Variants in GPC6 observed in about 807,000 individuals in gnomAD.
GPC6 encodes glypican 6.
In GPC6, 14 loss-of-function variants were observed where a neutral mutation model predicts 55.2. That is an observed-to-expected ratio of 0.25 (90% CI 0.17 to 0.40). The LOEUF is 0.40. Among genes scored for constraint, GPC6 ranks in the 10% least tolerant of loss-of-function variants. The pLI is 1.00. For missense variants in GPC6, 641 were observed against 708.5 expected (o/e 0.90, Z 1.08); for synonymous variants, 278 against 259.6 (o/e 1.07, Z -0.68).
intron 1 of GPC6, among the ~76,000 whole-genome samples, chr13:93,298,791 C>T (rs4771869): frequency 0.031 from 4,755 of 151,964 alleles, 189 homozygotes; most frequent in East Asian, 0.14. Flanking sequence ...TACTGCCTGA[C>T]GTGGATTTTC....
At chr13:93,750,092 A>G (rs1331231353) in intron 2 of GPC6, among the ~76,000 whole-genome samples, 1 of 152,206 alleles carries the variant, frequency 6.6e-6, no homozygotes, top group Non-Finnish European at 1.5e-5. Context: ...AGAAAACTGT[A>G]TCTGGGAAAT....
intron 6 of GPC6, among the ~76,000 whole-genome samples, chr13:94,359,673 T>G (rs568634762): frequency 6.6e-6 from 1 of 152,202 alleles, no homozygotes; most frequent in South Asian, 2.1e-4. Flanking sequence ...TTTTTTTTTT[T>G]GAAGAGATAA....
intron 4 of GPC6, among the ~76,000 whole-genome samples, chr13:94,062,580 C>T (rs1884370177): frequency 6.6e-6 from 1 of 152,148 alleles, no homozygotes; most frequent in African/African-American, 2.4e-5. Context: ...GTCCTATTTC[C>T]TCTCCGTTTT....
chr13:93,555,263 G>T (rs1445250), intron 2 of GPC6, among the ~76,000 whole-genome samples: 1 of 152,022 alleles, frequency 6.6e-6, no homozygotes, highest in South Asian at 2.1e-4. Flanking sequence ...TCTTGTAATA[G>T]TATTCTTCTA....
chr13:93,719,573 A>G (rs1041117898), intron 2 of GPC6, among the ~76,000 whole-genome samples: 1 of 151,998 alleles, frequency 6.6e-6, no homozygotes, highest in South Asian at 2.1e-4. Flanking sequence ...AACATGCTTT[A>G]TTTATTTCTC....
intron 1 of GPC6, among the ~76,000 whole-genome samples, chr13:93,339,231 C>A (rs1880151430): frequency 6.6e-6 from 1 of 152,048 alleles, no homozygotes; most frequent in Non-Finnish European, 1.5e-5. Flanking sequence ...ATATCTGGAG[C>A]CATCTTAATA....
chr13:93,457,344 A>G (rs549847747), intron 1 of GPC6, among the ~76,000 whole-genome samples: 2 of 152,312 alleles, frequency 1.3e-5, no homozygotes, highest in African/African-American at 4.8e-5. Flanking sequence ...TTGGAGTGAC[A>G]TATTTCCAAA....
chr13:94,325,285 G>A (rs1316138648), intron 6 of GPC6, among the ~76,000 whole-genome samples: 6 of 152,178 alleles, frequency 3.9e-5, no homozygotes, highest in Non-Finnish European at 7.3e-5. Flanking sequence ...GGAGAAGAAC[G>A]CGGCTCACTC....
At chr13:93,542,490 T>G (rs972448546) in intron 1 of GPC6, among the ~76,000 whole-genome samples, 5 of 152,222 alleles carry the variant, frequency 3.3e-5, no homozygotes, top group African/African-American at 1.2e-4. Context: ...TGGCTTATGA[T>G]TGACTTGGTG....
chr13:93,455,890 A>ACTG (rs1319512105), intron 1 of GPC6, among the ~76,000 whole-genome samples: 1 of 152,162 alleles, frequency 6.6e-6, no homozygotes, highest in Admixed American at 6.5e-5. Context: ...TGCGTCATGA[A>ACTG]CTGCTGTTCA....
chr13:94,163,921 T>G (rs1050782464), intron 4 of GPC6, among the ~76,000 whole-genome samples: 1 of 152,128 alleles, frequency 6.6e-6, no homozygotes, highest in African/African-American at 2.4e-5. Context: ...AAAATGAGAA[T>G]AAATATGCAG....
At chr13:94,270,684 C>G (rs149939181) in intron 4 of GPC6, among the ~76,000 whole-genome samples, 1 of 152,200 alleles carries the variant, frequency 6.6e-6, no homozygotes, top group Admixed American at 6.5e-5. Flanking sequence ...GTAGTTATGT[C>G]TTTCTGAAAA....
intron 1 of GPC6, among the ~76,000 whole-genome samples, chr13:93,486,796 T>A (rs1006039266): frequency 3.3e-5 from 5 of 151,858 alleles, no homozygotes; most frequent in African/African-American, 9.7e-5. Flanking sequence ...AATACAAAAA[T>A]TAGCTGGGTG....
chr13:94,179,221 T>A (rs77500612), intron 4 of GPC6, among the ~76,000 whole-genome samples: 13,047 of 152,310 alleles, frequency 0.086, 598 homozygotes, highest in Non-Finnish European at 0.1. Context: ...ACCAAGGTTC[T>A]ACTATTGACA....
chr13:93,259,182 T>C (rs1274445183), intron 1 of GPC6, among the ~76,000 whole-genome samples: 1 of 152,184 alleles, frequency 6.6e-6, no homozygotes, highest in East Asian at 1.9e-4. Context: ...ATGTTCATAA[T>C]ATGTGCTCAT....
chr13:94,379,046 C>A (rs1253049756), intron 6 of GPC6, among the ~76,000 whole-genome samples: 1 of 151,610 alleles, frequency 6.6e-6, no homozygotes, highest in Non-Finnish European at 1.5e-5. Flanking sequence ...ACTTAAGTTT[C>A]CAGGAAAAAA....
intron 2 of GPC6, among the ~76,000 whole-genome samples, chr13:93,671,264 T>A (rs1881345382): frequency 6.6e-6 from 1 of 151,970 alleles, no homozygotes; most frequent in South Asian, 2.1e-4. Flanking sequence ...GTTTAGGCAC[T>A]GAAACTTTTT....
chr13:93,256,806 G>C (rs1594055869), intron 1 of GPC6, among the ~76,000 whole-genome samples: 1 of 152,138 alleles, frequency 6.6e-6, no homozygotes, highest in African/African-American at 2.4e-5. Flanking sequence ...TTACTCTGTA[G>C]GAGAATACAA....
intron 6 of GPC6, among the ~76,000 whole-genome samples, chr13:94,311,624 A>G (rs371615924): frequency 1.4e-4 from 22 of 152,246 alleles, no homozygotes; most frequent in African/African-American, 4.8e-4. Flanking sequence ...TGATAACACA[A>G]TGTCTAAAAT....
Sources: allele counts gnomAD v4.1 joint callset (sites outside exome capture counted in the v4.1 genomes callset), GRCh38; gene constraint gnomAD v4.1.1; transcripts MANE v1.5; gene names NCBI Gene and HGNC (gene_info 2026-07-23, HGNC 2026-07-21).